DKK2: variants seen among roughly 807,000 people sequenced by gnomAD.
DKK2 encodes dickkopf-related protein 2.
Under a neutral mutation model 28.1 loss-of-function variants are expected in DKK2, and 11 were observed. That is an observed-to-expected ratio of 0.39 (90% CI 0.25 to 0.65). The LOEUF (loss-of-function observed/expected upper bound fraction) is 0.65. Among genes scored for constraint, DKK2 ranks in the 30% least tolerant of loss-of-function variants. The pLI is 0.47. For missense variants in DKK2, 326 were observed against 335.5 expected (o/e 0.97, Z 0.22); for synonymous variants, 135 against 126.5 (o/e 1.07, Z -0.45).
chr4:106,931,904 A>G (rs1351703745), intron 1 of DKK2, among the ~76,000 whole-genome samples: 1 of 152,168 alleles, frequency 6.6e-6, no homozygotes, highest in Non-Finnish European at 1.5e-5. Flanking sequence ...TCTTTGTTCC[A>G]ATCAAAATTC....
Position 106,938,283 on chromosome 4 carries a change from G to A in DKK2, c.223-12334C>T, listed in dbSNP as rs182531026. On this transcript the variant is annotated intron_variant, in intron 1 of 3. Transcript: ENST00000285311. ...TAGATGCAATAAAAAATGATAAAGG[G>A]GATATCACCACCGATCCAACAGAAA... Among the ~76,000 whole-genome samples, 4 of 151,644 alleles carry A rather than the reference G, an allele frequency of 2.6e-5. No individual in the cohort carries two copies. The South Asian group carries it at 6.3e-4, about 24-fold the overall frequency.
intron 1 of DKK2, among the ~76,000 whole-genome samples, chr4:106,936,841 C>T (rs1243275933): frequency 1.9e-4 from 28 of 151,022 alleles, no homozygotes; most frequent in African/African-American, 6.0e-4. Context: ...AATTTTCAAC[C>T]CAGAATTTCA....
intron 1 of DKK2, among the ~76,000 whole-genome samples, chr4:106,929,119 G>A (rs1310733565): frequency 6.6e-6 from 1 of 152,166 alleles, no homozygotes; most frequent in Non-Finnish European, 1.5e-5. Flanking sequence ...TGATGGCTTT[G>A]TGACAAGCAA....
chr4:106,951,335 A>G lies in DKK2; in HGVS notation c.223-25386T>C, dbSNP rs115459584. ...CAATCCAGCAATCCCACTATTGGGT[A>G]TTTATTTAAAGGAAAAGAAATCGAT... On this transcript the variant is annotated intron_variant, in intron 1 of 3. Transcript: ENST00000285311. 2.1e-3 allele frequency among the ~76,000 whole-genome samples: 319 copies of G among 152,256 alleles called. 1 individual carries two copies. Among genetic ancestry groups the G allele is most frequent in the African/African-American group, 7.4e-3 (307 of 41,562 alleles).
At position 106,924,537 on chromosome 4, in the gene DKK2, A is replaced by C; in HGVS notation, c.529+8T>G. 6.2e-7 allele frequency: 1 copy of C among 1,612,424 alleles called. No homozygotes were observed. Among genetic ancestry groups the C allele is most frequent in the Non-Finnish European group, 8.5e-7 (1 of 1,179,076 alleles). On this transcript the variant is annotated splice_region_variant and intron_variant, in intron 3 of 3. Coordinates refer to ENST00000285311, the MANE Select transcript of DKK2 (RefSeq NM_014421.3). ...TTAAAAAAACCCCAGAACTACAGATATCCCTACCTTTTATATGTGACATCT... is the reference window on the plus strand; with the variant it reads ...TTAAAAAAACCCCAGAACTACAGATCTCCCTACCTTTTATATGTGACATCT...
At chr4:107,009,464 T>C (rs1723485051) in intron 1 of DKK2, among the ~76,000 whole-genome samples, 1 of 151,924 alleles carries the variant, frequency 6.6e-6, no homozygotes. Context: ...TATGAAATAT[T>C]ACTACAAACA....
At chr4:107,001,376 G>T (rs950601154) in intron 1 of DKK2, among the ~76,000 whole-genome samples, 1 of 152,104 alleles carries the variant, frequency 6.6e-6, no homozygotes, top group Non-Finnish European at 1.5e-5. Context: ...GTGTTACTTG[G>T]TTACAGCAAC....
intron 1 of DKK2, among the ~76,000 whole-genome samples, chr4:107,029,002 A>C (rs1317055787): frequency 6.6e-6 from 1 of 152,112 alleles, no homozygotes; most frequent in East Asian, 1.9e-4. Flanking sequence ...AGTAGAAGAA[A>C]GGTAGGGGTA....
intron 1 of DKK2, among the ~76,000 whole-genome samples, chr4:107,020,943 T>C (rs932183825): frequency 1.3e-5 from 2 of 152,080 alleles, no homozygotes; most frequent in Non-Finnish European, 2.9e-5. Context: ...ATTAACTGCT[T>C]CTGGAACACC....
intron 1 of DKK2, among the ~76,000 whole-genome samples, chr4:106,943,836 A>T (rs1724737497): frequency 6.6e-6 from 1 of 152,052 alleles, no homozygotes; most frequent in South Asian, 2.1e-4. Flanking sequence ...AGCAGTAACT[A>T]TTTTACCCCT....
intron 1 of DKK2, among the ~76,000 whole-genome samples, chr4:106,963,156 C>A (rs993920533): frequency 6.6e-6 from 1 of 151,904 alleles, no homozygotes; most frequent in African/African-American, 2.4e-5. Flanking sequence ...AGTTCGAGAC[C>A]AGCCTGGCCA....
At chr4:107,010,190 A>ATG (rs1723496995) in intron 1 of DKK2, among the ~76,000 whole-genome samples, 1 of 151,764 alleles carries the variant, frequency 6.6e-6, no homozygotes, top group Admixed American at 6.6e-5. Context: ...TACTCATAGT[A>ATG]TGTGATTTTA....
intron 1 of DKK2, among the ~76,000 whole-genome samples, chr4:107,030,755 A>AACCGATT (rs1413642670): frequency 1.3e-5 from 2 of 152,080 alleles, no homozygotes; most frequent in Non-Finnish European, 2.9e-5. Flanking sequence ...TCTAAAATGT[A>AACCGATT]ACCGATTATT....
chr4:107,002,904 T>A (rs990709524), intron 1 of DKK2, among the ~76,000 whole-genome samples: 1 of 152,204 alleles, frequency 6.6e-6, no homozygotes, highest in Non-Finnish European at 1.5e-5. Flanking sequence ...TCTCTTAGCA[T>A]TGTTGTGGTG....
At chr4:106,989,168 T>C (rs1201263961) in intron 1 of DKK2, among the ~76,000 whole-genome samples, 2 of 152,196 alleles carry the variant, frequency 1.3e-5, no homozygotes, top group African/African-American at 4.8e-5. Flanking sequence ...GAAGAAGCCA[T>C]GCTAAAGACC....
intron 1 of DKK2, among the ~76,000 whole-genome samples, chr4:106,964,161 A>G (rs1722732411): frequency 6.6e-6 from 1 of 152,204 alleles, no homozygotes. Context: ...ATACAATAGA[A>G]GATTATTCAG....
At chr4:106,935,139 C>T (rs528659535) in intron 1 of DKK2, among the ~76,000 whole-genome samples, 17 of 152,262 alleles carry the variant, frequency 1.1e-4, no homozygotes, top group East Asian at 3.9e-4. Flanking sequence ...GGAACAGCTC[C>T]GGTCTACAGC....
chr4:107,008,582 A>T (rs1402327450), intron 1 of DKK2, among the ~76,000 whole-genome samples: 2 of 151,994 alleles, frequency 1.3e-5, no homozygotes, highest in African/African-American at 4.8e-5. Flanking sequence ...ATAGACTTGT[A>T]ACTTATATTA....
intron 1 of DKK2, among the ~76,000 whole-genome samples, chr4:106,986,357 T>C (rs1723120506): frequency 6.6e-6 from 1 of 152,212 alleles, no homozygotes; most frequent in Non-Finnish European, 1.5e-5. Flanking sequence ...TTTGAGGACT[T>C]GCTTTGACGG....
Sources: allele counts gnomAD v4.1 joint callset (sites outside exome capture counted in the v4.1 genomes callset), GRCh38; gene constraint gnomAD v4.1.1; transcripts MANE v1.5; gene names NCBI Gene and HGNC (gene_info 2026-07-23, HGNC 2026-07-21).